NME1: variants seen among roughly 807,000 people sequenced by gnomAD.
NME1 encodes the protein NME/NM23 nucleoside diphosphate kinase 1.
NME1 carries 9 observed loss-of-function variants against 17.2 expected under a neutral mutation model. That is an observed-to-expected ratio of 0.52 (90% CI 0.32 to 0.92). The LOEUF is 0.92. NME1 is among the 40% of genes least tolerant of loss of function. The probability of loss-of-function intolerance (pLI) is 0.04; values close to 1 mark genes in which losing one functional copy is unlikely to be tolerated. For missense variants in NME1, 169 were observed against 201.7 expected (o/e 0.84, Z 0.98); for synonymous variants, 72 against 70.8 (o/e 1.02, Z -0.09).
intron 4 of NME1, 81 bp from the exon 5 acceptor site, chr17:51,161,647 G>A (rs1278750012): frequency 2.9e-6 from 3 of 1,017,880 alleles, no homozygotes; most frequent in Non-Finnish European, 4.7e-6. Context: ...CTTTTATGCT[G>A]CTGTGGCTGT....
At chr17:51,156,352 G>C in intron 2 of NME1, 1 of 174,188 alleles carries the variant, frequency 5.7e-6, no homozygotes, top group Admixed American at 5.5e-5. Context: ...AGGATTGATT[G>C]ACCAATAACC....
chr17:51,155,775 A>G lies in NME1; in HGVS notation c.121A>G (p.Met41Val), dbSNP rs1165248933. 24 of 1,613,660 alleles carry G rather than the reference A, an allele frequency of 1.5e-5. No homozygotes were observed. The highest frequency in any genetic ancestry group is 2.7e-5 in the African/African-American group (2 of 75,046). ...ATTCCGCCTTGTTGGTCTGAAATTC[A>G]TGCAAGTAAGTGGACTTCATTGTTC... ...KGFRLVGLKF[M>V]QASEDLLKEH... The change falls in exon 2 of 5, where the codon ATG (methionine) becomes GTG (valine). Residue 41 changes from methionine to valine, a missense_variant. By Grantham distance (21) the Met-to-Val change is conservative. Transcript: ENST00000393196.
intron 2 of NME1, among the ~76,000 whole-genome samples, chr17:51,159,348 C>A (rs1234933034): frequency 6.6e-6 from 1 of 152,186 alleles, no homozygotes; most frequent in Non-Finnish European, 1.5e-5. Context: ...CGCCCGTAGT[C>A]CCGGCCCTTT....
intron 2 of NME1, among the ~76,000 whole-genome samples, chr17:51,158,404 C>T (rs1268812447): frequency 1.3e-5 from 2 of 152,182 alleles, no homozygotes; most frequent in African/African-American, 2.4e-5. Flanking sequence ...CATGCCATTG[C>T]ACTCCAGCCT....
chr17:51,160,986 GGAGATCAGGATCCTCA>G, intron 3 of NME1, 158 bp from the exon 4 acceptor site: 1 of 748,292 alleles, frequency 1.3e-6, no homozygotes, highest in South Asian at 1.5e-5. Flanking sequence ...ATGAGGGCAG[GGAGATCAGGATCCTCA>G]GTGCTGGAAT....
chr17:51,155,483 T>C (rs2049772261), intron 1 of NME1, among the ~76,000 whole-genome samples, 168 bp from the exon 2 acceptor site: 1 of 152,196 alleles, frequency 6.6e-6, no homozygotes, highest in Non-Finnish European at 1.5e-5. Context: ...CATTGACATA[T>C]TAGTTCATAG....
Position 51,159,980 on chromosome 17 carries a change from G to C in NME1, c.127G>C (p.Ala43Pro). The change falls in exon 3 of 5, where the codon GCT becomes CCT. Residue 43 changes from alanine to proline, a missense_variant and splice_region_variant. By Grantham distance (27) the Ala-to-Pro change is conservative (BLOSUM62 -1). Coordinates refer to ENST00000393196, the MANE Select transcript of NME1 (RefSeq NM_000269.3). ...TCTCATTCTCTGTCCTGTTGAATAGGCTTCCGAAGATCTTCTCAAGGAACA... is the reference window on the plus strand; with the variant it reads ...TCTCATTCTCTGTCCTGTTGAATAGCCTTCCGAAGATCTTCTCAAGGAACA... ...FRLVGLKFMQASEDLLKEHYV... is the reference protein window; with the variant it reads ...FRLVGLKFMQPSEDLLKEHYV... 6.2e-7 allele frequency: 1 copy of C among 1,614,154 alleles called. No homozygotes were observed. The highest frequency in any genetic ancestry group is 8.5e-7 in the Non-Finnish European group (1 of 1,180,018).
intron 2 of NME1, among the ~76,000 whole-genome samples, chr17:51,157,369 G>C (rs773532432): frequency 2.7e-4 from 41 of 152,132 alleles, no homozygotes; most frequent in Non-Finnish European, 2.6e-4. Context: ...TAGCAAGAGA[G>C]TGCAAGAGTG....
intron 1 of NME1, among the ~76,000 whole-genome samples, chr17:51,155,114 C>T (rs1287749474): frequency 4.6e-5 from 7 of 151,088 alleles, no homozygotes; most frequent in African/African-American, 1.2e-4. Flanking sequence ...TGTGGTGGCA[C>T]GCACCTGTAG....
At chr17:51,158,720 G>A (rs145496074) in intron 2 of NME1, among the ~76,000 whole-genome samples, 169 of 152,276 alleles carry the variant, frequency 1.1e-3, no homozygotes, top group African/African-American at 3.8e-3. Context: ...TGTGATATGC[G>A]TCATACAGTG....
Position 51,161,251 on chromosome 17 carries a change from A to G in NME1, c.320A>G (p.Asp107Gly), listed in dbSNP as rs1271760768. The change falls in exon 4 of 5, where the codon GAC (aspartate) becomes GGC (glycine). Residue 107 changes from aspartate (D) to glycine (G), a missense_variant. Physicochemically the swap from Asp to Gly is moderately conservative, Grantham distance 94. Coordinates refer to ENST00000393196, the MANE Select transcript of NME1 (RefSeq NM_000269.3). ...TCCAAGCCTGGGACCATCCGTGGAG[A>G]CTTCTGCATACAAGTTGGCAGGTGA... ...ADSKPGTIRGDFCIQVGRNII... is the reference protein window; with the variant it reads ...ADSKPGTIRGGFCIQVGRNII... 6.2e-7 allele frequency: 1 copy of G among 1,611,444 alleles called. No individual in the cohort carries two copies.
At chr17:51,154,661 G>C (rs947755687) in intron 1 of NME1, among the ~76,000 whole-genome samples, 8 of 152,112 alleles carry the variant, frequency 5.3e-5, no homozygotes, top group African/African-American at 1.9e-4. Flanking sequence ...GCTGGGTTTT[G>C]GCCTTCATTC....
intron 2 of NME1, among the ~76,000 whole-genome samples, chr17:51,158,338 T>C (rs958703546): frequency 6.0e-5 from 9 of 150,662 alleles, no homozygotes; most frequent in Non-Finnish European, 5.9e-5. Flanking sequence ...CTACTGAGAA[T>C]CTGAGGCAAG....
intron 4 of NME1, 173 bp from the exon 5 acceptor site, chr17:51,161,554 TG>T: frequency 1.4e-6 from 1 of 697,842 alleles, no homozygotes; most frequent in Non-Finnish European, 2.5e-6. Flanking sequence ...GGGCTGGATG[TG>T]GGGAGGGCAT....
chr17:51,159,849 T>C lies in NME1; in HGVS notation c.127-131T>C, dbSNP rs1026712262. The C allele has an allele frequency of 3.1e-5, 31 of 985,852 alleles. No individual in the cohort carries two copies. The East Asian group carries it at 7.8e-4, about 25-fold the overall frequency. 61.1% of individuals were successfully genotyped at this position (985,852 alleles called of 1,614,324 possible). On this transcript the variant is annotated intron_variant, in intron 2 of 4. Coordinates refer to ENST00000393196, the MANE Select transcript of NME1 (RefSeq NM_000269.3). ...GCTCCCTTCCAGTGTGGAGAATGAA[T>C]TGGGTTATAACAGAATCAGTGAGCC...
At chr17:51,160,614 T>C (rs1598240312) in intron 3 of NME1, 1 of 214,202 alleles carries the variant, frequency 4.7e-6, no homozygotes, top group South Asian at 6.6e-5. Context: ...GCATTTCTTT[T>C]TTTTTTTTTT....
At chr17:51,156,190 C>T (rs8075231) in intron 2 of NME1, 66,291 of 313,152 alleles carry the variant, frequency 0.21, 8,185 homozygotes, top group African/African-American at 0.4. Context: ...AATTACTAGA[C>T]ACTAATAAAT....
At position 51,155,792 on chromosome 17, in the gene NME1, T is replaced by G; in HGVS notation, c.126+12T>G. On this transcript the variant is annotated intron_variant, in intron 2 of 4. Transcript: ENST00000393196. ...TGAAATTCATGCAAGTAAGTGGACT[T>G]CATTGTTCCCATTTTGATTCCTTCA... is the stretch of plus-strand genomic sequence containing the variant. 3 of 1,613,286 alleles carry G rather than the reference T, an allele frequency of 1.9e-6. No individual in the cohort carries two copies. Among genetic ancestry groups the G allele is most frequent in the Non-Finnish European group, 2.5e-6 (3 of 1,179,464 alleles).
In NME1 at chr17:51,162,083, TC is replaced by T. The variant is rs113466295; in HGVS notation, c.*240del. 2.1e-6 allele frequency: 1 copy of T among 479,724 alleles called. No homozygotes were observed. Among genetic ancestry groups the T allele is most frequent in the African/African-American group, 1.9e-5 (1 of 51,384 alleles). The allele number at this position is 479,724 out of a possible 1,614,324, so 29.7% of individuals were successfully genotyped here. ...TTCATATTGTTGCATTGCTTTTTTT[TC>T]CTTCTTTTCATGTACACTGAATAAC... On this transcript the variant is annotated 3_prime_UTR_variant, in exon 5 of 5. Transcript: ENST00000393196.
Sources: allele counts gnomAD v4.1 joint callset (sites outside exome capture counted in the v4.1 genomes callset), GRCh38; gene constraint gnomAD v4.1.1; transcripts MANE v1.5; gene names NCBI Gene and HGNC (gene_info 2026-07-23, HGNC 2026-07-21).